Variants in HESX1 observed in about 807,000 individuals in gnomAD.
HESX1 encodes the protein homeobox expressed in ES cells 1.
In HESX1, 11 loss-of-function variants were observed where a neutral mutation model predicts 22.5. That is an observed-to-expected ratio of 0.49 (90% CI 0.31 to 0.81). The LOEUF is 0.81. Among genes scored for constraint, HESX1 ranks in the 30% least tolerant of loss-of-function variants. The pLI, the probability that HESX1 is intolerant of heterozygous loss-of-function variation, is 0.05. For synonymous variants in HESX1, 74 were observed against 76.5 expected, an observed-to-expected ratio of 0.97 and a Z score of 0.17; for missense variants, 201 against 212.6, an observed-to-expected ratio of 0.95 and a Z score of 0.34.
upstream of HESX1, among the ~76,000 whole-genome samples, chr3:57,201,867 ATC>A (rs1311004612): frequency 1.3e-4 from 18 of 139,634 alleles, no homozygotes; most frequent in South Asian, 7.1e-4. Flanking sequence ...ATCTATATCT[ATC>A]TATCTATATC....
chr3:57,209,466 C>G (rs1426485488), intron 1 of HESX1, among the ~76,000 whole-genome samples: 1 of 151,682 alleles, frequency 6.6e-6, no homozygotes, highest in African/African-American at 2.4e-5. Context: ...ATGGTGAAAC[C>G]CCGTCACTAC....
At chr3:57,199,095 A>C in intron 1 of HESX1, 143 bp from the exon 2 acceptor site, 1 of 726,978 alleles carries the variant, frequency 1.4e-6, no homozygotes, top group Non-Finnish European at 2.3e-6. Context: ...TTAACCAAAA[A>C]CCAATAAAAA....
intron 1 of HESX1, among the ~76,000 whole-genome samples, chr3:57,216,219 T>C (rs560309021): frequency 6.6e-6 from 1 of 152,352 alleles, no homozygotes; most frequent in South Asian, 2.1e-4. Flanking sequence ...TTAAGTCTCA[T>C]TCAATCAGCA....
chr3:57,224,539 C>G (rs2060632440), intron 1 of HESX1, among the ~76,000 whole-genome samples: 1 of 152,136 alleles, frequency 6.6e-6, no homozygotes, highest in Non-Finnish European at 1.5e-5. Context: ...TGTGGATTAC[C>G]CACTTCAGAC....
chr3:57,204,894 A>C (rs1327150573), upstream of HESX1, among the ~76,000 whole-genome samples: 1 of 152,204 alleles, frequency 6.6e-6, no homozygotes, highest in African/African-American at 2.4e-5. Flanking sequence ...AGATAGGGAC[A>C]GAAGTGGTAC....
upstream of HESX1, among the ~76,000 whole-genome samples, chr3:57,203,961 C>T (rs940243438): frequency 1.3e-5 from 2 of 152,094 alleles, no homozygotes; most frequent in African/African-American, 2.4e-5. Context: ...GCCCAGCCCC[C>T]TCTTGTGCTT....
At chr3:57,227,210 C>T (rs1161699294), upstream of HESX1, among the ~76,000 whole-genome samples, 1 of 152,156 alleles carries the variant, frequency 6.6e-6, no homozygotes, top group African/African-American at 2.4e-5. Flanking sequence ...GATATTCAAG[C>T]GTCCAGAAAA....
intron 1 of HESX1, among the ~76,000 whole-genome samples, chr3:57,223,321 G>A (rs2060625055): frequency 6.6e-6 from 1 of 152,016 alleles, no homozygotes; most frequent in African/African-American, 2.4e-5. Context: ...ATTAATTAAT[G>A]TGTTCTTCTA....
At chr3:57,213,406 G>A (rs2060566779) in intron 1 of HESX1, among the ~76,000 whole-genome samples, 1 of 152,084 alleles carries the variant, frequency 6.6e-6, no homozygotes, top group Non-Finnish European at 1.5e-5. Context: ...ATTGACAGTG[G>A]GAACAAGAAA....
chr3:57,205,721 C>T (rs1559499229), intron 1 of HESX1, among the ~76,000 whole-genome samples: 1 of 152,188 alleles, frequency 6.6e-6, no homozygotes, highest in Non-Finnish European at 1.5e-5. Flanking sequence ...TACCTTTCTC[C>T]CCTTTTAACC....
chr3:57,218,663 G>A (rs1488884453), intron 1 of HESX1, among the ~76,000 whole-genome samples: 2 of 152,014 alleles, frequency 1.3e-5, no homozygotes, highest in Non-Finnish European at 2.9e-5. Context: ...GGCTGGTCTT[G>A]AACTCCTGAC....
chr3:57,198,879 G>A lies in HESX1; in HGVS notation c.231C>T (p.His77=). The A allele has an allele frequency of 1.2e-6, 2 of 1,614,100 alleles. No individual in the cohort carries two copies. Among genetic ancestry groups the A allele is most frequent in the Non-Finnish European group, 1.7e-6 (2 of 1,180,012 alleles). ...TCGAAGCTCTTTCTTCTGGCATTGG[G>A]TGATCCACCACGCTAGGGAATGAAA... ...SGISFPSVVD[H]PMPEERASKY... is the part of the protein sequence containing the mutation. Residue 77 remains histidine (H), a synonymous_variant, in exon 2 of 4, where the codon CAC becomes CAT. Coordinates refer to ENST00000295934, the MANE Select transcript of HESX1 (RefSeq NM_003865.3).
At position 57,225,081 on chromosome 3, in the gene HESX1, G is replaced by A. The variant is rs760835276; in HGVS notation, c.-111+1215C>T. 7.2e-5 allele frequency among the ~76,000 whole-genome samples: 11 copies of A among 152,322 alleles called. No homozygotes were observed. In the South Asian group the frequency reaches 2.1e-3, roughly 29 times the overall value. On this transcript the variant is annotated intron_variant, in intron 1 of 2. Coordinates refer to the HESX1 transcript ENST00000495160. ...AGAAAACTGGCTTAAAATGAACTGA[G>A]TTTGGTTAACTGCACAAAACGTAGG...
intron 1 of HESX1, among the ~76,000 whole-genome samples, chr3:57,219,897 A>G (rs944317683): frequency 6.6e-6 from 1 of 152,148 alleles, no homozygotes; most frequent in Admixed American, 6.5e-5. Flanking sequence ...TGGCATTTTC[A>G]TCATGAAATC....
chr3:57,203,957 C>A (rs1579353783), upstream of HESX1, among the ~76,000 whole-genome samples: 1 of 152,158 alleles, frequency 6.6e-6, no homozygotes, highest in African/African-American at 2.4e-5. Flanking sequence ...AGGTGCCCAG[C>A]CCCCTCTTGT....
At chr3:57,216,432 G>A (rs2060583012) in intron 1 of HESX1, among the ~76,000 whole-genome samples, 1 of 152,086 alleles carries the variant, frequency 6.6e-6, no homozygotes, top group African/African-American at 2.4e-5. Flanking sequence ...CCTGGTAAGG[G>A]AGACCTCATC....
At chr3:57,207,882 C>T (rs1164180775) in intron 1 of HESX1, among the ~76,000 whole-genome samples, 1 of 152,222 alleles carries the variant, frequency 6.6e-6, no homozygotes. Flanking sequence ...CTTTCCCACA[C>T]CCTGGCCAAT....
intron 1 of HESX1, among the ~76,000 whole-genome samples, chr3:57,224,538 C>T (rs375886898): frequency 7.9e-5 from 12 of 152,268 alleles, no homozygotes; most frequent in African/African-American, 2.6e-4. Flanking sequence ...TTGTGGATTA[C>T]CCACTTCAGA....
intron 2 of HESX1, 71 bp from the exon 3 acceptor site, chr3:57,198,563 A>G: frequency 9.2e-7 from 1 of 1,091,390 alleles, no homozygotes; most frequent in Non-Finnish European, 1.4e-6. Flanking sequence ...TAAAATGACT[A>G]CATTTAAATC....
Sources: allele counts gnomAD v4.1 joint callset (sites outside exome capture counted in the v4.1 genomes callset), GRCh38; gene constraint gnomAD v4.1.1; transcripts MANE v1.5; gene names NCBI Gene and HGNC (gene_info 2026-07-23, HGNC 2026-07-21).